The following IQSEC1 variants were observed in gnomAD, a reference collection of about 807,000 sequenced individuals.
IQSEC1 encodes IQ motif and Sec7 domain ArfGEF 1, also known as IQ motif and SEC7 domain-containing protein 1.
A neutral mutation model predicts 91.0 loss-of-function variants in IQSEC1; 31 were observed. That is an observed-to-expected ratio of 0.34 (90% CI 0.26 to 0.46). The LOEUF (loss-of-function observed/expected upper bound fraction) is 0.46, where lower values mean the gene tolerates loss of function less well. IQSEC1 is among the 20% of genes least tolerant of loss of function. The probability of loss-of-function intolerance (pLI) is 1.00; values close to 1 mark genes in which losing one functional copy is unlikely to be tolerated. For missense variants in IQSEC1, 1,388 were observed against 1,575.6 expected, an observed-to-expected ratio of 0.88 and a Z score of 2.02; for synonymous variants, 699 against 662.6, an observed-to-expected ratio of 1.05 and a Z score of -0.84.
chr3:13,042,894 A>G (rs1393246532), intron 1 of IQSEC1, among the ~76,000 whole-genome samples: 1 of 152,160 alleles, frequency 6.6e-6, no homozygotes, highest in African/African-American at 2.4e-5. Flanking sequence ...GCCAGATGAC[A>G]GGCAAACACT....
intron 1 of IQSEC1, among the ~76,000 whole-genome samples, chr3:13,028,538 C>T (rs996466030): frequency 1.3e-5 from 2 of 152,182 alleles, no homozygotes; most frequent in Non-Finnish European, 2.9e-5. Flanking sequence ...CAACCGGGGT[C>T]AGGGCAGAGC....
At position 12,908,309 on chromosome 3, in the gene IQSEC1, T is replaced by C. The variant is rs2125066172; in HGVS notation, c.2755+40A>G. On this transcript the variant is annotated intron_variant, in intron 12 of 13. Coordinates refer to ENST00000613206, the MANE Select transcript of IQSEC1 (RefSeq NM_001134382.3). The surrounding 1 kb of genome is among the most constrained non-coding windows in gnomAD (Gnocchi z 4.9). The stretch of plus-strand genomic sequence containing the variant: ...GCAGACGCCCTGCCTCGGTCTTGCA[T>C]GCGCTGGGCTAGCAAGGTGGTTCTA... 4.4e-6 allele frequency: 7 copies of C among 1,601,908 alleles called. No homozygotes were observed. The highest frequency in any genetic ancestry group is 1.3e-5 in the African/African-American group (1 of 74,720).
At chr3:13,194,952 C>T (rs1260172314) in intron 1 of IQSEC1, among the ~76,000 whole-genome samples, 2 of 152,142 alleles carry the variant, frequency 1.3e-5, no homozygotes, top group Non-Finnish European at 2.9e-5. Context: ...AGTTCATAGA[C>T]TTGACCCCAA....
intron 3 of IQSEC1, among the ~76,000 whole-genome samples, chr3:12,932,188 G>A (rs562167838): frequency 7.3e-4 from 111 of 152,306 alleles, no homozygotes; most frequent in Non-Finnish European, 1.3e-3. Flanking sequence ...GTTCCAATGC[G>A]GAGGTGACAG....
chr3:13,210,825 G>T (rs11128636), intron 1 of IQSEC1, among the ~76,000 whole-genome samples: 40,349 of 152,062 alleles, frequency 0.27, 5,680 homozygotes, highest in South Asian at 0.37. Flanking sequence ...AAGGAGGCAG[G>T]CCCTGAGGCC....
At chr3:13,053,592 C>A (rs145250509) in intron 1 of IQSEC1, among the ~76,000 whole-genome samples, 277 of 152,278 alleles carry the variant, frequency 1.8e-3, no homozygotes, top group African/African-American at 6.2e-3. Flanking sequence ...CGGCTCACAG[C>A]CCCAGCAGCT....
At chr3:13,011,135 C>T (rs768331609) in intron 1 of IQSEC1, among the ~76,000 whole-genome samples, 1 of 151,964 alleles carries the variant, frequency 6.6e-6, no homozygotes, top group Admixed American at 6.6e-5. Context: ...AATGAACATC[C>T]TGGATTGACT....
intron 1 of IQSEC1, among the ~76,000 whole-genome samples, chr3:13,200,251 AACACAC>A (rs111462856): frequency 6.8e-6 from 1 of 147,294 alleles, no homozygotes; most frequent in African/African-American, 2.5e-5. Context: ...ACCCACATAC[AACACAC>A]ACACACACAC....
At chr3:13,101,139 G>A (rs1230701070) in intron 2 of IQSEC1, among the ~76,000 whole-genome samples, 2 of 152,200 alleles carry the variant, frequency 1.3e-5, no homozygotes, top group East Asian at 3.9e-4. Flanking sequence ...GAGGAGCCAT[G>A]GGAGGGCTTC....
At chr3:13,271,009 A>C (rs1695581921) in intron 1 of IQSEC1, among the ~76,000 whole-genome samples, 1 of 152,198 alleles carries the variant, frequency 6.6e-6, no homozygotes, top group African/African-American at 2.4e-5. Flanking sequence ...GACAAAATAA[A>C]CTTTAAGATA....
intron 1 of IQSEC1, among the ~76,000 whole-genome samples, chr3:13,027,224 G>A (rs1703655220): frequency 6.6e-6 from 1 of 152,202 alleles, no homozygotes; most frequent in Non-Finnish European, 1.5e-5. Flanking sequence ...GAGGACAGTA[G>A]TGGGCTCCCA....
intron 10 of IQSEC1, among the ~76,000 whole-genome samples, chr3:12,910,983 C>T (rs1346933137): frequency 6.6e-6 from 1 of 152,200 alleles, no homozygotes; most frequent in East Asian, 1.9e-4. Context: ...GTGAAAGGAG[C>T]AAGGTAAAAT....
upstream of IQSEC1, among the ~76,000 whole-genome samples, chr3:13,073,660 G>A (rs1042912078): frequency 4.6e-5 from 7 of 152,252 alleles, no homozygotes; most frequent in Non-Finnish European, 8.8e-5. Context: ...TAAAATGCAC[G>A]CGCCGCGCGG....
chr3:13,079,171 G>A (rs555824294), intron 2 of IQSEC1, among the ~76,000 whole-genome samples: 6 of 152,340 alleles, frequency 3.9e-5, no homozygotes, highest in Admixed American at 2.0e-4. Flanking sequence ...AGATGTGCAC[G>A]TGGAGTTGGG....
rs563084548 is a variant in IQSEC1, at chr3:12,967,003, C to A, written c.24-25138G>T. On this transcript the variant is annotated intron_variant, in intron 1 of 13. Transcript: ENST00000613206. This position sits in a 1 kb window ranked among gnomAD's most constrained non-coding sequence, Gnocchi z 5.9. ...CACCAACTCTCCGCTCTCCCTCCTGCCCCTCACCTCACACCCACACCGAGT... is the reference window on the plus strand; with the variant it reads ...CACCAACTCTCCGCTCTCCCTCCTGACCCTCACCTCACACCCACACCGAGT... Among the ~76,000 whole-genome samples, 7 of 152,224 alleles carry A rather than the reference C, an allele frequency of 4.6e-5. No homozygotes were observed. Among genetic ancestry groups the A allele is most frequent in the African/African-American group, 1.7e-4 (7 of 41,538 alleles).
At chr3:13,200,187 C>A (rs1322887187) in intron 1 of IQSEC1, among the ~76,000 whole-genome samples, 3 of 151,520 alleles carry the variant, frequency 2.0e-5, no homozygotes, top group Non-Finnish European at 4.4e-5. Context: ...ACAACACACA[C>A]ATACACAAAC....
At chr3:13,126,308 G>T (rs1333038900) in intron 2 of IQSEC1, among the ~76,000 whole-genome samples, 1 of 152,158 alleles carries the variant, frequency 6.6e-6, no homozygotes, top group Non-Finnish European at 1.5e-5. Flanking sequence ...CTTTCACTTG[G>T]TTATGATTAC....
intron 2 of IQSEC1, among the ~76,000 whole-genome samples, chr3:13,087,827 A>G (rs902945180): frequency 1.3e-5 from 2 of 152,186 alleles, no homozygotes; most frequent in African/African-American, 2.4e-5. Context: ...CTCCCGTGGC[A>G]GAAGGTGGAA....
chr3:13,185,029 G>A (rs1418846082), intron 1 of IQSEC1, among the ~76,000 whole-genome samples: 1 of 152,180 alleles, frequency 6.6e-6, no homozygotes, highest in African/African-American at 2.4e-5. Flanking sequence ...GAGAGCAAGA[G>A]TCGGAGACCA....
Sources: gnomAD v4.1 joint callset for allele counts (sites outside exome capture counted in the v4.1 genomes callset) on GRCh38, gnomAD v4.1.1 for gene constraint, Gnocchi (gnomAD v3.1) non-coding constraint, MANE v1.5 for transcripts, NCBI Gene and HGNC (gene_info 2026-07-23, HGNC 2026-07-21) for gene names.